The following SVOPL variants were observed in gnomAD, a reference collection of about 807,000 sequenced individuals.
SVOPL encodes SVOP like.
Under a neutral mutation model 61.0 loss-of-function variants are expected in SVOPL, and 60 were observed. The ratio of observed to expected loss-of-function variants is 0.98; its 90% CI spans 0.80 to 1.22. The LOEUF (loss-of-function observed/expected upper bound fraction) is 1.22. SVOPL is among the 50% of genes most tolerant of loss of function. The pLI is 0.00. For missense variants in SVOPL, 662 were observed against 643.9 expected (o/e 1.03, Z -0.30); for synonymous variants, 279 against 250.0 (o/e 1.12, Z -1.09).
intron 11 of SVOPL, 38 bp downstream of exon 11, chr7:138,628,120 C>A (rs1422716370): frequency 1.2e-6 from 2 of 1,612,124 alleles, no homozygotes; most frequent in African/African-American, 2.7e-5. Flanking sequence ...CATAGACCAC[C>A]CAAGACAGAG....
intron 12 of SVOPL, 28 bp from the exon 13 acceptor site, chr7:138,626,078 A>G (rs1202971561): frequency 6.2e-7 from 1 of 1,612,420 alleles, no homozygotes; most frequent in African/African-American, 1.3e-5. Context: ...GAGAGAAATT[A>G]TAAAAGGCAG....
intron 3 of SVOPL, among the ~76,000 whole-genome samples, chr7:138,675,895 G>A (rs1490321185): frequency 6.6e-6 from 1 of 152,136 alleles, no homozygotes; most frequent in African/African-American, 2.4e-5. Context: ...CTGGAGTGCA[G>A]TGACGCAATC....
chr7:138,601,048 G>A (rs1023135310), intron 14 of SVOPL, among the ~76,000 whole-genome samples: 14 of 151,896 alleles, frequency 9.2e-5, no homozygotes, highest in Middle Eastern at 6.8e-3. Flanking sequence ...TCAGGAGATC[G>A]AGACCATCCT....
chr7:138,615,655 C>G lies in SVOPL; in HGVS notation c.1353+5391G>C, dbSNP rs1178283239. Among the ~76,000 whole-genome samples the G allele has an allele frequency of 3.6e-5, 3 of 84,380 alleles. 1 individual carries two copies. In the South Asian group the frequency reaches 2.2e-3, roughly 61 times the overall value. The allele number at this position is 84,380 out of a possible 152,430, so 55.4% of individuals were successfully genotyped here. A position where few individuals can be genotyped will look rare whatever the true frequency, so the allele number is the denominator to read the frequency against. On this transcript the variant is annotated intron_variant, in intron 14 of 15. Transcript: ENST00000674285. ...ACTAAAAATACAAAAATTAGCTAGGCATGGTGGCAGGTGCCTGTAGTCTCA... is the reference window on the plus strand; with the variant it reads ...ACTAAAAATACAAAAATTAGCTAGGGATGGTGGCAGGTGCCTGTAGTCTCA...
chr7:138,610,838 C>CA (rs1251112522), intron 14 of SVOPL, among the ~76,000 whole-genome samples: 1 of 152,236 alleles, frequency 6.6e-6, no homozygotes, highest in African/African-American at 2.4e-5. Context: ...GATAGGGCCC[C>CA]AGGTTCCCAG....
chr7:138,643,583 C>T (rs745351373), intron 9 of SVOPL, among the ~76,000 whole-genome samples: 1 of 152,070 alleles, frequency 6.6e-6, no homozygotes, highest in African/African-American at 2.4e-5. Flanking sequence ...TCAGCCTTAA[C>T]AAGGAAGAAA....
At chr7:138,598,298 A>G (rs1798365217) in intron 14 of SVOPL, among the ~76,000 whole-genome samples, 1 of 152,230 alleles carries the variant, frequency 6.6e-6, no homozygotes, top group Non-Finnish European at 1.5e-5. Context: ...GCTATACTGA[A>G]GGTTATACAT....
rs112706512 is a variant in SVOPL at position 138,613,591 on chromosome 7, T to C, written c.1353+7455A>G. Among the ~76,000 whole-genome samples the C allele has an allele frequency of 8.3e-3, 1,259 of 152,090 alleles. 19 individuals are homozygous for C. Among genetic ancestry groups the C allele is most frequent in the African/African-American group, 0.028 (1,177 of 41,474 alleles). ...TACACAGCATTCAACTTCTCATATT[T>C]CAGATCTCAACTTCAGTATCACCTT... is the stretch of plus-strand genomic sequence containing the variant. On this transcript the variant is annotated intron_variant, in intron 14 of 15. Transcript: ENST00000674285.
At chr7:138,611,702 A>T (rs1021391893) in intron 14 of SVOPL, among the ~76,000 whole-genome samples, 2 of 74,246 alleles carry the variant, frequency 2.7e-5, no homozygotes, top group African/African-American at 7.4e-5. Flanking sequence ...CCCTTGAAAG[A>T]TAAGACTTTG....
intron 1 of SVOPL, among the ~76,000 whole-genome samples, chr7:138,699,258 T>G (rs1011962250): frequency 6.6e-6 from 1 of 152,082 alleles, no homozygotes; most frequent in African/African-American, 2.4e-5. Flanking sequence ...GAGCTGAGAT[T>G]GTGCCATTGC....
chr7:138,672,904 C>CA (rs71179720), intron 3 of SVOPL, among the ~76,000 whole-genome samples: 6,749 of 103,446 alleles, frequency 0.065, 355 homozygotes, highest in African/African-American at 0.14. Flanking sequence ...GTTTGTCTCT[C>CA]AAAAAAAAAA....
intron 13 of SVOPL, among the ~76,000 whole-genome samples, chr7:138,621,874 C>G (rs138638135): frequency 0.24 from 5,875 of 24,666 alleles, 394 homozygotes; most frequent in East Asian, 0.51. Context: ...ATCTATCTAT[C>G]TATCTATCTA....
intron 14 of SVOPL, among the ~76,000 whole-genome samples, chr7:138,616,162 GT>G (rs1799290080): frequency 6.6e-6 from 1 of 152,144 alleles, no homozygotes; most frequent in East Asian, 1.9e-4. Context: ...ATAAGTTTCT[GT>G]TTTTATAAGC....
intron 13 of SVOPL, 71 bp from the exon 14 acceptor site, chr7:138,621,206 C>T (rs1033032360): frequency 5.2e-6 from 7 of 1,346,442 alleles, no homozygotes; most frequent in Non-Finnish European, 7.2e-6. Flanking sequence ...TCTTCCCCTT[C>T]CTCCCCAGGT....
intron 8 of SVOPL, among the ~76,000 whole-genome samples, chr7:138,647,039 C>T (rs929644662): frequency 1.3e-5 from 2 of 152,160 alleles, no homozygotes; most frequent in Middle Eastern, 3.2e-3. Flanking sequence ...AATGACATTG[C>T]TTAGAGAAGG....
intron 7 of SVOPL, among the ~76,000 whole-genome samples, chr7:138,655,179 G>A (rs1480653191): frequency 6.6e-6 from 1 of 150,648 alleles, no homozygotes; most frequent in African/African-American, 2.4e-5. Context: ...GACAGAGCAA[G>A]ACCCTGTCTC....
intron 13 of SVOPL, among the ~76,000 whole-genome samples, chr7:138,625,416 C>T (rs1241153653): frequency 6.6e-5 from 10 of 152,090 alleles, no homozygotes; most frequent in Non-Finnish European, 1.5e-4. Flanking sequence ...GTTCCCTATT[C>T]AAATATTGTT....
At chr7:138,683,011 G>A (rs1342394939) in intron 1 of SVOPL, among the ~76,000 whole-genome samples, 1 of 150,952 alleles carries the variant, frequency 6.6e-6, no homozygotes, top group Non-Finnish European at 1.5e-5. Flanking sequence ...AGCAATGTGA[G>A]AGAGATATAG....
intron 3 of SVOPL, among the ~76,000 whole-genome samples, chr7:138,673,586 A>T (rs1802483141): frequency 6.6e-6 from 1 of 152,162 alleles, no homozygotes; most frequent in Admixed American, 6.5e-5. Context: ...CAGAGGTTGC[A>T]GTGAGCTGAG....
Sources: allele counts gnomAD v4.1 joint callset (sites outside exome capture counted in the v4.1 genomes callset), GRCh38; gene constraint gnomAD v4.1.1; transcripts MANE v1.5; gene names NCBI Gene and HGNC (gene_info 2026-07-23, HGNC 2026-07-21).